Variants in ZNF548 observed in about 807,000 individuals in gnomAD.
ZNF548 encodes zinc finger protein 548.
A neutral mutation model predicts 10.2 loss-of-function variants in ZNF548; 10 were observed. The ratio of observed to expected loss-of-function variants is 0.98; its 90% CI spans 0.60 to 1.66. The LOEUF is 1.66. ZNF548 is among the 40% of genes most tolerant of loss of function. The pLI, the probability that ZNF548 is intolerant of heterozygous loss-of-function variation, is 0.00. For synonymous variants in ZNF548, 217 were observed against 223.5 expected, an observed-to-expected ratio of 0.97 and a Z score of 0.26; for missense variants, 599 against 657.0, an observed-to-expected ratio of 0.91 and a Z score of 0.97.
chr19:57,391,886 C>A (rs1466214331), intron 1 of ZNF548, among the ~76,000 whole-genome samples: 1 of 151,254 alleles, frequency 6.6e-6, no homozygotes, highest in African/African-American at 2.4e-5. Flanking sequence ...CTCCACCTCC[C>A]AGGTTAGTTC....
Position 57,397,039 on chromosome 19 carries a change from A to C in ZNF548, c.52-9A>C, listed in dbSNP as rs373133317. 1 of 1,600,488 alleles carries C rather than the reference A, an allele frequency of 6.2e-7. No individual in the cohort carries two copies. Among genetic ancestry groups the C allele is most frequent in the Non-Finnish European group, 8.5e-7 (1 of 1,175,784 alleles). On this transcript the variant is annotated splice_polypyrimidine_tract_variant and intron_variant, in intron 2 of 3. Coordinates refer to ENST00000336128, the MANE Select transcript of ZNF548 (RefSeq NM_001172773.2). ...GCTGCTTATGTATTCATCTTTCCCA[A>C]TTTGGCAGGGCCGTGTGGTCTTTGA...
At chr19:57,393,688 A>T (rs2088643651) in intron 1 of ZNF548, among the ~76,000 whole-genome samples, 1 of 28,864 alleles carries the variant, frequency 3.5e-5, no homozygotes, top group East Asian at 1.2e-3. Flanking sequence ...AGGGGAGGGG[A>T]GGGGAGGGCA....
chr19:57,392,367 C>A (rs1280601780), intron 1 of ZNF548, among the ~76,000 whole-genome samples: 1 of 152,004 alleles, frequency 6.6e-6, no homozygotes, highest in Non-Finnish European at 1.5e-5. Flanking sequence ...TTGCCTAGAC[C>A]AATGTCCAGA....
At chr19:57,393,847 A>G (rs527604196) in intron 1 of ZNF548, among the ~76,000 whole-genome samples, 1 of 152,294 alleles carries the variant, frequency 6.6e-6, no homozygotes, top group East Asian at 1.9e-4. Flanking sequence ...GAAAATTTCA[A>G]AACCCCACTC....
At position 57,395,540 on chromosome 19, in the gene ZNF548, C is replaced by T. The variant is rs2088658859; in HGVS notation, c.51+1317C>T. On this transcript the variant is annotated intron_variant, in intron 2 of 3. Coordinates refer to ENST00000336128, the MANE Select transcript of ZNF548 (RefSeq NM_001172773.2). This position sits in a 1 kb window ranked among gnomAD's most constrained non-coding sequence, Gnocchi z 4.8. The stretch of plus-strand genomic sequence containing the variant: ...CGGAAGGTGAAGGGGAAGCGAGGCA[C>T]ATCTTCCCATGATGGAGCAGGAGAG... 6.6e-6 allele frequency among the ~76,000 whole-genome samples: 1 copy of T among 152,088 alleles called. No individual in the cohort carries two copies. Among genetic ancestry groups the T allele is most frequent in the Non-Finnish European group, 1.5e-5 (1 of 68,020 alleles).
rs775790388 is a variant in ZNF548, at chr19:57,398,519, C to A, written c.268C>A (p.Leu90Met). The A allele has an allele frequency of 6.2e-7, 1 of 1,614,140 alleles. No individual in the cohort carries two copies. The highest frequency in any genetic ancestry group is 8.5e-7 in the Non-Finnish European group (1 of 1,179,952). The change falls in exon 4 of 4, where the codon CTG becomes ATG. Residue 90 changes from leucine to methionine, a missense_variant. By Grantham distance (15) the Leu-to-Met change is conservative. Transcript: ENST00000336128. Reference protein sequence around the residue: ...VSEVTASKPCLSSQKVHPSET... With the variant: ...VSEVTASKPCMSSQKVHPSET... ...AGAGGTTACAGCTTCAAAGCCCTGT[C>A]TGTCCAGCCAGAAGGTCCACCCTAG...
At position 57,399,997 on chromosome 19, in the gene ZNF548, C is replaced by A; in HGVS notation, c.*108C>A. The A allele has an allele frequency of 4.8e-6, 4 of 840,910 alleles. No homozygotes were observed. The highest frequency in any genetic ancestry group is 1.7e-5 in the African/African-American group (1 of 58,350). 52.1% of individuals were successfully genotyped at this position (840,910 alleles called of 1,614,324 possible). A position where few individuals can be genotyped will look rare whatever the true frequency, so the allele number is the denominator to read the frequency against. On this transcript the variant is annotated 3_prime_UTR_variant, in exon 4 of 4. Transcript: ENST00000336128. This position sits in a 1 kb window ranked among gnomAD's most constrained non-coding sequence, Gnocchi z 4.0. ...AGTAAAATGCTGTACCCATTAACAA[C>A]AACTCATTCCCCTTCCCTACTTCCC...
intron 1 of ZNF548, chr19:57,392,841 G>A: frequency 1.0e-6 from 1 of 985,474 alleles, no homozygotes. Flanking sequence ...GAGACTTGGG[G>A]GCCAGACCAT....
Position 57,399,670 on chromosome 19 carries a change from G to A in ZNF548, c.1419G>A (p.Lys473=). Reference sequence around the variant, plus strand: ...AGTGTGGGAAAGCCTTTAGCCACAAGCATATACTTGTTGAGCACCAGAAAA... The same window carrying A: ...AGTGTGGGAAAGCCTTTAGCCACAAACATATACTTGTTGAGCACCAGAAAA... ...CRECGKAFSH[K]HILVEHQKIH... The change falls in exon 4 of 4, where the codon AAG becomes AAA. Residue 473 remains lysine, a synonymous_variant. Transcript: ENST00000336128. The surrounding 1 kb of genome is among the most constrained non-coding windows in gnomAD (Gnocchi z 4.0). 1 of 1,613,886 alleles carries A rather than the reference G, an allele frequency of 6.2e-7. No individual in the cohort carries two copies. Among genetic ancestry groups the A allele is most frequent in the Non-Finnish European group, 8.5e-7 (1 of 1,179,932 alleles).
chr19:57,396,184 G>GC (rs1284804471), intron 2 of ZNF548, among the ~76,000 whole-genome samples: 1 of 152,212 alleles, frequency 6.6e-6, no homozygotes, highest in Non-Finnish European at 1.5e-5. Flanking sequence ...GTGCAGGCAG[G>GC]AGGAGTGTGA....
chr19:57,398,675 C>A lies in ZNF548; in HGVS notation c.424C>A (p.Leu142Ile), dbSNP rs768894353. The A allele has an allele frequency of 1.2e-6, 2 of 1,614,040 alleles. No individual in the cohort carries two copies. Among genetic ancestry groups the A allele is most frequent in the African/African-American group, 1.3e-5 (1 of 75,066 alleles). ...QHPKQQIGEN[L>I]SRGDDWIPSF... Reference sequence around the variant, plus strand: ...CCCAAAGCAGCAAATTGGAGAAAATCTTTCCAGAGGGGATGATTGGATACC... The same window carrying A: ...CCCAAAGCAGCAAATTGGAGAAAATATTTCCAGAGGGGATGATTGGATACC... Residue 142 changes from leucine to isoleucine, a missense_variant, in exon 4 of 4, where the codon CTT becomes ATT. Leu to Ile is a conservative substitution (Grantham distance 5). Coordinates refer to ENST00000336128, the MANE Select transcript of ZNF548 (RefSeq NM_001172773.2).
intron 1 of ZNF548, chr19:57,392,711 T>C: frequency 1.1e-6 from 1 of 913,924 alleles, no homozygotes. Context: ...TTCTATCCAT[T>C]ACCATGCTGT....
Position 57,401,406 on chromosome 19 carries a change from TATTTACATAGC to T in ZNF548, c.*1526_*1536del, listed in dbSNP as rs2088715557. ...TCCCTAAACTATATAGTATAATAAA[TATTTACATAGC>T]ATTTACATTGTATTAGAAGTTATAA... On this transcript the variant is annotated 3_prime_UTR_variant, in exon 4 of 4. Transcript: ENST00000336128. The T allele has an allele frequency of 6.6e-6, 1 of 152,346 alleles. No individual in the cohort carries two copies. Among genetic ancestry groups the T allele is most frequent in the Admixed American group, 6.5e-5 (1 of 15,296 alleles). The allele number at this position is 152,346 out of a possible 1,614,324, so 9.4% of individuals were successfully genotyped here.
chr19:57,398,898 A>T lies in ZNF548; in HGVS notation c.647A>T (p.Lys216Ile). The change falls in exon 4 of 4, where the codon AAA becomes ATA. Residue 216 changes from lysine to isoleucine, a missense_variant. Transcript: ENST00000336128. Reference sequence around the variant, plus strand: ...GATTACAAATGTAGTGAATGTGGGAAAACCTTCACCTGCAGCTATTCATTT... The same window carrying T: ...GATTACAAATGTAGTGAATGTGGGATAACCTTCACCTGCAGCTATTCATTT... The part of the protein sequence containing the change: ...QNDYKCSECG[K>I]TFTCSYSFVE... 6.2e-7 allele frequency: 1 copy of T among 1,614,072 alleles called. No individual in the cohort carries two copies. Among genetic ancestry groups the T allele is most frequent in the Non-Finnish European group, 8.5e-7 (1 of 1,179,912 alleles).
At position 57,390,194 on chromosome 19, in the gene ZNF548, G is replaced by A; in HGVS notation, c.15+80G>A. ...CCCCTGAAGGGGCCCTGCAGGTCAG[G>A]CCCCTTGTCCCGAAGAGAGGGGCGT... On this transcript the variant is annotated intron_variant, in intron 1 of 3. Coordinates refer to ENST00000336128, the MANE Select transcript of ZNF548 (RefSeq NM_001172773.2). 4.6e-6 allele frequency: 7 copies of A among 1,525,932 alleles called. 2 individuals carry two copies. In the South Asian group the frequency reaches 4.6e-5, roughly 10 times the overall value. 94.5% of individuals were successfully genotyped at this position (1,525,932 alleles called of 1,614,324 possible). A position where few individuals can be genotyped will look rare whatever the true frequency, so the allele number is the denominator to read the frequency against.
chr19:57,400,129 A>G lies in ZNF548; in HGVS notation c.*240A>G, dbSNP rs1355325300. 2.4e-6 allele frequency: 1 copy of G among 425,190 alleles called. No individual in the cohort carries two copies. The highest frequency in any genetic ancestry group is 4.2e-6 in the Non-Finnish European group (1 of 240,936). 26.3% of individuals were successfully genotyped at this position (425,190 alleles called of 1,614,324 possible). Reference sequence around the variant, plus strand: ...TGTACCTCATATAAGTGGATTCTACAGTATTTATCTTTTGAGACTGGCTTA... The same window carrying G: ...TGTACCTCATATAAGTGGATTCTACGGTATTTATCTTTTGAGACTGGCTTA... On this transcript the variant is annotated 3_prime_UTR_variant, in exon 4 of 4. Transcript: ENST00000336128.
Position 57,389,954 on chromosome 19 carries a change from C to T in ZNF548, c.-146C>T. 1.9e-6 allele frequency: 2 copies of T among 1,050,228 alleles called. No homozygotes were observed. Among genetic ancestry groups the T allele is most frequent in the Non-Finnish European group, 2.7e-6 (2 of 743,702 alleles). The allele number at this position is 1,050,228 out of a possible 1,614,324, so 65.1% of individuals were successfully genotyped here. A position where few individuals can be genotyped will look rare whatever the true frequency, so the allele number is the denominator to read the frequency against. The stretch of plus-strand genomic sequence containing the variant: ...GTCTGACGTCACCGAAGTGACGGAA[C>T]GGAAAAGCGCGAGAAGCGGCTCGGT... On this transcript the variant is annotated 5_prime_UTR_variant, in exon 1 of 4. The change creates a new upstream start codon in the 5' untranslated region. Transcript: ENST00000336128.
In ZNF548 at chr19:57,389,906, C is replaced by A; in HGVS notation, c.-194C>A. ...GTCGTTTTGGTTCTGTGTGGTGTTT[C>A]ACCAACTTCGGCCTATGGCTCTGTC... On this transcript the variant is annotated 5_prime_UTR_variant, in exon 1 of 4. Transcript: ENST00000336128. 9 of 590,432 alleles carry A rather than the reference C, an allele frequency of 1.5e-5. No homozygotes were observed. The highest frequency in any genetic ancestry group is 1.1e-5 in the Non-Finnish European group (4 of 353,162). The allele number at this position is 590,432 out of a possible 1,614,324, so 36.6% of individuals were successfully genotyped here.
rs769910723 is a variant in ZNF548, at chr19:57,399,022, A to AGTT, written c.772_774dup (p.Val258dup). The stretch of plus-strand genomic sequence containing the variant: ...GTGCCAATTTCATGAAACATCAGAC[A>AGTT]GTTCACACTAGTGAAAGGACTTATG... On this transcript the variant is annotated inframe_insertion, in exon 4 of 4. Transcript: ENST00000336128. This position sits in a 1 kb window ranked among gnomAD's most constrained non-coding sequence, Gnocchi z 4.0. 2.5e-6 allele frequency: 4 copies of AGTT among 1,614,192 alleles called. No homozygotes were observed. The East Asian group carries it at 8.9e-5, about 36-fold the overall frequency.
Sources: gnomAD v4.1 joint callset for allele counts (sites outside exome capture counted in the v4.1 genomes callset) on GRCh38, gnomAD v4.1.1 for gene constraint, Gnocchi (gnomAD v3.1) non-coding constraint, MANE v1.5 for transcripts, NCBI Gene and HGNC (gene_info 2026-07-23, HGNC 2026-07-21) for gene names.